Variants in HSDL2 observed in about 807,000 individuals in gnomAD.
HSDL2 encodes the protein hydroxysteroid dehydrogenase like 2.
Under a neutral mutation model 46.3 loss-of-function variants are expected in HSDL2, and 27 were observed. That is an observed-to-expected ratio of 0.58 (90% CI 0.43 to 0.80). HSDL2 has a LOEUF of 0.80. HSDL2 is among the 30% of genes least tolerant of loss of function. The pLI is 0.00. For missense variants in HSDL2, 451 were observed against 502.7 expected, an observed-to-expected ratio of 0.90 and a Z score of 0.98; for synonymous variants, 153 against 163.6, an observed-to-expected ratio of 0.94 and a Z score of 0.50.
At chr9:112,458,295 A>G (rs1833092002) in intron 9 of HSDL2, among the ~76,000 whole-genome samples, 1 of 149,734 alleles carries the variant, frequency 6.7e-6, no homozygotes, top group East Asian at 2.0e-4. Context: ...GCAGTAAAAA[A>G]TACATAACAT....
intron 9 of HSDL2, 48 bp from the exon 10 acceptor site, chr9:112,459,401 A>G: frequency 3.8e-6 from 6 of 1,576,782 alleles, no homozygotes; most frequent in Non-Finnish European, 5.2e-6. Flanking sequence ...TAAATTTAAG[A>G]AGAACAGGGC....
At chr9:112,429,132 T>C (rs1332478499) in intron 6 of HSDL2, among the ~76,000 whole-genome samples, 1 of 152,142 alleles carries the variant, frequency 6.6e-6, no homozygotes, top group Non-Finnish European at 1.5e-5. Context: ...CTCCTGACCT[T>C]AGGAGATCTG....
intron 1 of HSDL2, among the ~76,000 whole-genome samples, chr9:112,400,140 A>G (rs1831556604): frequency 6.6e-6 from 1 of 152,224 alleles, no homozygotes; most frequent in Admixed American, 6.5e-5. Flanking sequence ...ACATGGGAAC[A>G]AAAATATATT....
intron 1 of HSDL2, among the ~76,000 whole-genome samples, chr9:112,385,087 T>G (rs10981378): frequency 0.019 from 2,702 of 143,140 alleles, 75 homozygotes; most frequent in African/African-American, 0.067. Flanking sequence ...GAAAAACTTG[T>G]GCAAGACTGT....
chr9:112,402,568 C>G (rs1374795480), intron 1 of HSDL2, among the ~76,000 whole-genome samples: 1 of 148,086 alleles, frequency 6.8e-6, no homozygotes, highest in Non-Finnish European at 1.5e-5. Context: ...AAAAAAAGCA[C>G]GTAGGAGTTC....
chr9:112,390,121 T>C (rs1238699237), intron 1 of HSDL2, among the ~76,000 whole-genome samples: 2 of 143,374 alleles, frequency 1.4e-5, no homozygotes, highest in African/African-American at 2.6e-5. Flanking sequence ...AAATAAAATA[T>C]ATGTGGAAAA....
intron 6 of HSDL2, among the ~76,000 whole-genome samples, chr9:112,422,189 G>A (rs990611058): frequency 4.6e-5 from 7 of 152,052 alleles, no homozygotes; most frequent in African/African-American, 7.2e-5. Flanking sequence ...TATCCCGGGC[G>A]ACAGAGTGAG....
chr9:112,393,228 A>C (rs1430081172), intron 1 of HSDL2, among the ~76,000 whole-genome samples: 2 of 152,224 alleles, frequency 1.3e-5, no homozygotes, highest in African/African-American at 4.8e-5. Flanking sequence ...CACAATGGAT[A>C]AATAAGCTTG....
At chr9:112,426,234 C>CT (rs71382430) in intron 6 of HSDL2, among the ~76,000 whole-genome samples, 1,622 of 95,748 alleles carry the variant, frequency 0.017, 68 homozygotes, top group African/African-American at 0.061. Context: ...GGTAAGCCTT[C>CT]TTTTTTTTTT....
chr9:112,404,058 A>G lies in HSDL2; in HGVS notation c.81A>G (p.Ala27=), dbSNP rs778969049. ...GCCGTGGCATTGGCAAAGCTATTGC[A>G]TTGAAAGCAGCAAAGGATGGAGCAA... The part of the protein sequence containing the change: ...GASRGIGKAI[A]LKAAKDGANI... The change falls in exon 2 of 11, where the codon GCA becomes GCG. Residue 27 remains alanine, a synonymous_variant. Coordinates refer to ENST00000398805, the MANE Select transcript of HSDL2 (RefSeq NM_032303.5). 1.2e-6 allele frequency: 2 copies of G among 1,614,208 alleles called. No homozygotes were observed. Among genetic ancestry groups the G allele is most frequent in the Non-Finnish European group, 1.7e-6 (2 of 1,180,004 alleles).
chr9:112,462,624 G>A (rs1199162688), intron 10 of HSDL2, among the ~76,000 whole-genome samples: 1 of 151,264 alleles, frequency 6.6e-6, no homozygotes, highest in African/African-American at 2.4e-5. Flanking sequence ...GTGTGTGTGT[G>A]TGTGTGTGTG....
In HSDL2 at chr9:112,426,335, A is replaced by T. The variant is rs563631665; in HGVS notation, c.598+7377A>T. On this transcript the variant is annotated intron_variant, in intron 6 of 10. Coordinates refer to ENST00000398805, the MANE Select transcript of HSDL2 (RefSeq NM_032303.5). ...ACTGTAACCTCTGTCTCCCGGGTTC[A>T]AGCGATTCTCATGCCTCAGTCTCCC... 1.5e-4 allele frequency among the ~76,000 whole-genome samples: 23 copies of T among 150,612 alleles called. 1 individual carries two copies. The South Asian group carries it at 4.4e-3, about 29-fold the overall frequency.
intron 10 of HSDL2, among the ~76,000 whole-genome samples, chr9:112,462,958 C>G (rs1833257715): frequency 6.6e-6 from 1 of 152,206 alleles, no homozygotes; most frequent in African/African-American, 2.4e-5. Context: ...TAGTCTTTTG[C>G]ATCTAGCACC....
chr9:112,449,653 C>T (rs1369730548), intron 8 of HSDL2, among the ~76,000 whole-genome samples: 2 of 151,926 alleles, frequency 1.3e-5, no homozygotes, highest in Non-Finnish European at 2.9e-5. Context: ...TGTCTGAGCT[C>T]CGGTGTTCAA....
chr9:112,470,209 G>T (rs2132724439), intron 10 of HSDL2, among the ~76,000 whole-genome samples: 1 of 152,102 alleles, frequency 6.6e-6, no homozygotes, highest in East Asian at 1.9e-4. Context: ...ATAATCTTTT[G>T]CTGATTGTTG....
chr9:112,424,483 A>T (rs1832203842), intron 6 of HSDL2, among the ~76,000 whole-genome samples: 1 of 152,096 alleles, frequency 6.6e-6, no homozygotes, highest in South Asian at 2.1e-4. Context: ...TATAATCTAT[A>T]ATAATATTCC....
At chr9:112,451,588 C>G (rs1389853600) in intron 8 of HSDL2, among the ~76,000 whole-genome samples, 2 of 152,156 alleles carry the variant, frequency 1.3e-5, no homozygotes, top group Non-Finnish European at 2.9e-5. Flanking sequence ...AAAGTAGAAC[C>G]CATCACTTCT....
At position 112,404,175 on chromosome 9, in the gene HSDL2, CA is replaced by C; in HGVS notation, c.181+18del. ...CTGAAGAAAGTGAGTGTGACAGTGCCATTTGATAAAATGTCTTTCTAGTGGT... is the reference window on the plus strand; with the variant it reads ...CTGAAGAAAGTGAGTGTGACAGTGCCTTTGATAAAATGTCTTTCTAGTGGT... On this transcript the variant is annotated intron_variant, in intron 2 of 10. Coordinates refer to ENST00000398805, the MANE Select transcript of HSDL2 (RefSeq NM_032303.5). 1 of 1,608,162 alleles carries C rather than the reference CA, an allele frequency of 6.2e-7. No homozygotes were observed. The highest frequency in any genetic ancestry group is 8.5e-7 in the Non-Finnish European group (1 of 1,176,240).
intron 10 of HSDL2, among the ~76,000 whole-genome samples, chr9:112,468,269 G>C (rs1833451530): frequency 6.6e-6 from 1 of 151,988 alleles, no homozygotes; most frequent in Non-Finnish European, 1.5e-5. Flanking sequence ...CATTTTCCCA[G>C]CCCCTTGAAA....
Sources: allele counts gnomAD v4.1 joint callset (sites outside exome capture counted in the v4.1 genomes callset), GRCh38; gene constraint gnomAD v4.1.1; transcripts MANE v1.5; gene names NCBI Gene and HGNC (gene_info 2026-07-23, HGNC 2026-07-21).